RPN2: variants seen among roughly 807,000 people sequenced by gnomAD.
RPN2 encodes the protein ribophorin II.
RPN2 carries 29 observed loss-of-function variants against 71.4 expected under a neutral mutation model. That is an observed-to-expected ratio of 0.41 (90% confidence interval 0.30 to 0.55). The LOEUF (loss-of-function observed/expected upper bound fraction) is 0.55, where lower values mean the gene tolerates loss of function less well. Ranked by LOEUF, RPN2 falls within the 20% of genes least tolerant of loss-of-function variation. The probability of loss-of-function intolerance (pLI) is 0.35; values close to 1 mark genes in which losing one functional copy is unlikely to be tolerated. For missense variants in RPN2, 726 were observed against 774.1 expected (o/e 0.94, Z 0.74); for synonymous variants, 308 against 305.0 (o/e 1.01, Z -0.10).
At chr20:37,203,776 C>T (rs1203528543) in intron 4 of RPN2, 109 bp from the exon 5 acceptor site, 1 of 806,482 alleles carries the variant, frequency 1.2e-6, no homozygotes, top group Non-Finnish European at 2.2e-6. Context: ...CCAACTTGTA[C>T]TTCTAAAGAA....
At chr20:37,180,193 C>A (rs2066823967) in intron 1 of RPN2, among the ~76,000 whole-genome samples, 1 of 152,178 alleles carries the variant, frequency 6.6e-6, no homozygotes, top group African/African-American at 2.4e-5. Context: ...CTTACTTGCC[C>A]AGGGTGACAC....
At chr20:37,189,406 A>T (rs184392193) in intron 2 of RPN2, among the ~76,000 whole-genome samples, 26 of 151,924 alleles carry the variant, frequency 1.7e-4, no homozygotes, top group Non-Finnish European at 2.9e-4. Flanking sequence ...TTTTCAGTTT[A>T]ACTGTAGAGT....
At chr20:37,203,429 C>T (rs929074706) in intron 4 of RPN2, among the ~76,000 whole-genome samples, 2 of 149,502 alleles carry the variant, frequency 1.3e-5, no homozygotes, top group African/African-American at 5.0e-5. Context: ...AGTGCAGTGG[C>T]TCACTGCAAC....
At chr20:37,191,027 A>C (rs1175227501) in intron 2 of RPN2, among the ~76,000 whole-genome samples, 1 of 152,098 alleles carries the variant, frequency 6.6e-6, no homozygotes, top group East Asian at 1.9e-4. Flanking sequence ...CCCTAGATAC[A>C]CTGTTGCCTA....
In RPN2 at chr20:37,188,519, A is replaced by G. The variant is rs551468090; in HGVS notation, c.207+4146A>G. Among the ~76,000 whole-genome samples the G allele has an allele frequency of 1.4e-4, 21 of 151,992 alleles. No individual in the cohort carries two copies. In the South Asian group the frequency reaches 4.0e-3, roughly 29 times the overall value. Reference sequence around the variant, plus strand: ...TTGCTGTCTGTTGTTCAGTGTCTCAATTTCATATATTTCATACAGTTTTAT... The same window carrying G: ...TTGCTGTCTGTTGTTCAGTGTCTCAGTTTCATATATTTCATACAGTTTTAT... On this transcript the variant is annotated intron_variant, in intron 2 of 16. Coordinates refer to ENST00000237530, the MANE Select transcript of RPN2 (RefSeq NM_002951.5).
At chr20:37,190,681 C>T (rs930961376) in intron 2 of RPN2, among the ~76,000 whole-genome samples, 2 of 152,024 alleles carry the variant, frequency 1.3e-5, no homozygotes, top group Non-Finnish European at 2.9e-5. Flanking sequence ...ATCTGACACA[C>T]GGGTGTCTAA....
At chr20:37,218,045 A>T (rs1040363300) in intron 9 of RPN2, among the ~76,000 whole-genome samples, 1 of 152,128 alleles carries the variant, frequency 6.6e-6, no homozygotes, top group Non-Finnish European at 1.5e-5. Context: ...GCCAAGAGTT[A>T]GCTTTTATTT....
At chr20:37,229,826 A>C in intron 12 of RPN2, 147 bp from the exon 13 acceptor site, 1 of 707,152 alleles carries the variant, frequency 1.4e-6, no homozygotes, top group Non-Finnish European at 2.6e-6. Flanking sequence ...TACTGCCTCA[A>C]TTTGTCAGCT....
intron 11 of RPN2, among the ~76,000 whole-genome samples, chr20:37,228,231 G>C (rs1392427952): frequency 1.3e-5 from 2 of 152,204 alleles, no homozygotes; most frequent in African/African-American, 4.8e-5. Flanking sequence ...GTGACCAAAA[G>C]GCTGGCGGGA....
In RPN2 at chr20:37,224,058, T is replaced by G; in HGVS notation, c.1184+89T>G. 15 of 1,044,254 alleles carry G rather than the reference T, an allele frequency of 1.4e-5. No homozygotes were observed. The South Asian group carries it at 1.9e-4, about 13-fold the overall frequency. 64.7% of individuals were successfully genotyped at this position (1,044,254 alleles called of 1,614,324 possible). Reference sequence around the variant, plus strand: ...AGGCACTGAGCCCTGCAGGCATCAGTTCTGTGTCAGCAGCCATCCAGCTTA... The same window carrying G: ...AGGCACTGAGCCCTGCAGGCATCAGGTCTGTGTCAGCAGCCATCCAGCTTA... On this transcript the variant is annotated intron_variant, in intron 10 of 16. Transcript: ENST00000237530.
intron 2 of RPN2, among the ~76,000 whole-genome samples, chr20:37,192,053 G>C (rs2067153585): frequency 6.6e-6 from 1 of 151,914 alleles, no homozygotes; most frequent in Non-Finnish European, 1.5e-5. Flanking sequence ...AGTTAGCTGT[G>C]ATGGCACCAC....
In RPN2 at chr20:37,207,073, G is replaced by GA. The variant is rs544315495; in HGVS notation, c.691-191dup. On this transcript the variant is annotated intron_variant, in intron 6 of 16. Transcript: ENST00000237530. ...GAATTTCAGTTTATAAAGGAAGATGGAAAAAAAAACAACCACATCCAAGTT... is the reference window on the plus strand; with the variant it reads ...GAATTTCAGTTTATAAAGGAAGATGGAAAAAAAAAACAACCACATCCAAGTT... Among the ~76,000 whole-genome samples the GA allele has an allele frequency of 3.6e-4, 54 of 150,384 alleles. No homozygotes were observed. The East Asian group carries it at 5.1e-3, about 14-fold the overall frequency.
At position 37,198,430 on chromosome 20, in the gene RPN2, C is replaced by T; in HGVS notation, c.241C>T (p.Pro81Ser). 1 of 1,614,232 alleles carries T rather than the reference C, an allele frequency of 6.2e-7. No homozygotes were observed. The highest frequency in any genetic ancestry group is 8.5e-7 in the Non-Finnish European group (1 of 1,180,042). ...TACCTACATCAGATCTAACCTTGATCCCAGCAATGTGGATTCCCTCTTCTA... is the reference window on the plus strand; with the variant it reads ...TACCTACATCAGATCTAACCTTGATTCCAGCAATGTGGATTCCCTCTTCTA... ...ACTYIRSNLD[P>S]SNVDSLFYAA... The change falls in exon 3 of 17, where the codon CCC becomes TCC. Residue 81 changes from proline to serine, a missense_variant. Physicochemically the swap from Pro to Ser is moderately conservative, Grantham distance 74. Transcript: ENST00000237530.
Position 37,184,390 on chromosome 20 carries a change from C to G in RPN2, c.207+17C>G. ...GATGCAAAGGTAAGGCTGCTTTTGT[C>G]CTGGTGGTCAGGGTGGTTCAGGAGA... On this transcript the variant is annotated intron_variant, in intron 2 of 16. Coordinates refer to ENST00000237530, the MANE Select transcript of RPN2 (RefSeq NM_002951.5). The G allele has an allele frequency of 1.2e-6, 2 of 1,611,116 alleles. No individual in the cohort carries two copies. The highest frequency in any genetic ancestry group is 8.5e-7 in the Non-Finnish European group (1 of 1,177,412).
In RPN2 at chr20:37,207,330, T is replaced by G. The variant is rs1201258692; in HGVS notation, c.748T>G (p.Ser250Ala). Residue 250 changes from serine to alanine, a missense_variant, in exon 7 of 17, where the codon TCC becomes GCC. Coordinates refer to ENST00000237530, the MANE Select transcript of RPN2 (RefSeq NM_002951.5). Reference protein sequence around the residue: ...IFSKKNFESLSEAFSVASAAA... With the variant: ...IFSKKNFESLAEAFSVASAAA... Reference sequence around the variant, plus strand: ...CAGCAAGAAGAACTTTGAGTCCCTCTCCGAAGCCTTCAGCGTGGCCTCTGC... The same window carrying G: ...CAGCAAGAAGAACTTTGAGTCCCTCGCCGAAGCCTTCAGCGTGGCCTCTGC... The G allele has an allele frequency of 1.3e-5, 21 of 1,614,108 alleles. No individual in the cohort carries two copies. In the East Asian group the frequency reaches 4.7e-4, roughly 36 times the overall value.
intron 2 of RPN2, among the ~76,000 whole-genome samples, chr20:37,185,723 G>A (rs2146516309): frequency 6.6e-6 from 1 of 152,300 alleles, no homozygotes; most frequent in Middle Eastern, 3.4e-3. Flanking sequence ...GAACTCCTGG[G>A]CTCAAGTGAT....
chr20:37,179,677 C>T (rs1402709195), intron 1 of RPN2: 8 of 393,522 alleles, frequency 2.0e-5, no homozygotes, highest in African/African-American at 6.3e-5. Context: ...TTCACTCGCG[C>T]GGGCTTCTGG....
intron 2 of RPN2, among the ~76,000 whole-genome samples, chr20:37,191,077 A>G (rs1455908086): frequency 6.6e-6 from 1 of 152,192 alleles, no homozygotes; most frequent in African/African-American, 2.4e-5. Flanking sequence ...TTTGGTTATT[A>G]TCTCGTAAGA....
At chr20:37,198,547 A>G (rs976984254) in intron 3 of RPN2, 55 bp downstream of exon 3, 2 of 1,613,030 alleles carry the variant, frequency 1.2e-6, no homozygotes, top group African/African-American at 2.7e-5. Context: ...GTACATTTTT[A>G]AAGGGGAGGA....
Sources: allele counts gnomAD v4.1 joint callset (sites outside exome capture counted in the v4.1 genomes callset), GRCh38; gene constraint gnomAD v4.1.1; transcripts MANE v1.5; gene names NCBI Gene and HGNC (gene_info 2026-07-23, HGNC 2026-07-21).